TTC39C: variants seen among roughly 807,000 people sequenced by gnomAD.
The protein encoded by TTC39C is tetratricopeptide repeat domain 39C, also known as tetratricopeptide repeat protein 39C.
TTC39C carries 33 observed loss-of-function variants against 76.3 expected under a neutral mutation model. That is an observed-to-expected ratio of 0.43 (90% CI 0.33 to 0.58). The LOEUF (loss-of-function observed/expected upper bound fraction) is 0.58, where lower values mean the gene tolerates loss of function less well. TTC39C is among the 20% of genes least tolerant of loss of function. The pLI is 0.04. For synonymous variants in TTC39C, 254 were observed against 260.6 expected (o/e 0.97, Z 0.24); for missense variants, 595 against 701.4 (o/e 0.85, Z 1.71).
At chr18:24,093,756 C>G (rs1471709402) in intron 6 of TTC39C, among the ~76,000 whole-genome samples, 1 of 152,162 alleles carries the variant, frequency 6.6e-6, no homozygotes, top group Non-Finnish European at 1.5e-5. Flanking sequence ...AGCATTATGT[C>G]TAAAAATACA....
chr18:24,027,564 T>C (rs575186749), intron 1 of TTC39C, among the ~76,000 whole-genome samples: 123 of 151,454 alleles, frequency 8.1e-4, no homozygotes, highest in African/African-American at 2.7e-3. Flanking sequence ...GGTGACTTTT[T>C]TTTTTTTTTT....
At chr18:23,999,026 T>C (rs1599220014) in intron 1 of TTC39C, among the ~76,000 whole-genome samples, 1 of 152,356 alleles carries the variant, frequency 6.6e-6, no homozygotes, top group East Asian at 1.9e-4. Context: ...GCCTCAGGTC[T>C]CTGTGTGGCT....
At chr18:24,081,050 G>T in intron 5 of TTC39C, 111 bp downstream of exon 5, 1 of 990,642 alleles carries the variant, frequency 1.0e-6, no homozygotes, top group Non-Finnish European at 1.5e-6. Flanking sequence ...TTGGTTGACA[G>T]GGTGCTGTGT....
chr18:24,003,133 C>G (rs1054193572), intron 1 of TTC39C, among the ~76,000 whole-genome samples: 2 of 152,188 alleles, frequency 1.3e-5, no homozygotes, highest in Non-Finnish European at 2.9e-5. Flanking sequence ...TCCTGCCTCA[C>G]TCTCTATACT....
chr18:24,131,772 T>C lies in TTC39C; in HGVS notation c.1624-110T>C, dbSNP rs1341160314. 3.5e-6 allele frequency: 3 copies of C among 849,774 alleles called. No individual in the cohort carries two copies. The East Asian group carries it at 7.8e-5, about 22-fold the overall frequency. The allele number at this position is 849,774 out of a possible 1,614,324, so 52.6% of individuals were successfully genotyped here. A position where few individuals can be genotyped will look rare whatever the true frequency, so the allele number is the denominator to read the frequency against. ...TATACTTGAATGAACAGTTGACTCATTGCTATGTCTACAGTGAATTGTTTT... is the reference window on the plus strand; with the variant it reads ...TATACTTGAATGAACAGTTGACTCACTGCTATGTCTACAGTGAATTGTTTT... On this transcript the variant is annotated intron_variant, in intron 12 of 13. Coordinates refer to ENST00000317571, the MANE Select transcript of TTC39C (RefSeq NM_001135993.2).
At chr18:24,113,482 G>C (rs986931731) in intron 6 of TTC39C, 2 of 667,564 alleles carry the variant, frequency 3.0e-6, no homozygotes, top group African/African-American at 3.6e-5. Flanking sequence ...GAGCATTGGA[G>C]GGGGAGGAAG....
chr18:24,016,452 A>G (rs1483333295), intron 1 of TTC39C, among the ~76,000 whole-genome samples: 1 of 152,176 alleles, frequency 6.6e-6, no homozygotes, highest in Non-Finnish European at 1.5e-5. Context: ...GTCGTATGAG[A>G]GAAGGATGGA....
chr18:24,046,556 C>T (rs193142491), intron 1 of TTC39C, among the ~76,000 whole-genome samples: 11 of 151,898 alleles, frequency 7.2e-5, no homozygotes, highest in African/African-American at 2.7e-4. Flanking sequence ...TAAGCATTAC[C>T]TTAGTTATGA....
At chr18:24,111,918 TATATA>T (rs1568441635) in intron 6 of TTC39C, among the ~76,000 whole-genome samples, 1 of 123,604 alleles carries the variant, frequency 8.1e-6, no homozygotes. Flanking sequence ...TATATATATA[TATATA>T]TTTTTTTTGG....
intron 4 of TTC39C, among the ~76,000 whole-genome samples, chr18:24,072,939 A>G (rs1353061021): frequency 6.6e-6 from 1 of 152,242 alleles, no homozygotes; most frequent in Non-Finnish European, 1.5e-5. Flanking sequence ...AGACAGTTGC[A>G]GTTGAATGAT....
chr18:24,114,456 T>A (rs2084865637), intron 6 of TTC39C, 98 bp from the exon 7 acceptor site: 3 of 950,660 alleles, frequency 3.2e-6, no homozygotes, highest in Non-Finnish European at 3.3e-6. Context: ...TTAACCTGTT[T>A]AAAATAACTA....
At position 24,091,673 on chromosome 18, in the gene TTC39C, G is replaced by C. The variant is rs544956301; in HGVS notation, c.984+8592G>C. On this transcript the variant is annotated intron_variant, in intron 6 of 13. Coordinates refer to ENST00000317571, the MANE Select transcript of TTC39C (RefSeq NM_001135993.2). ...CGCTATAAACAATACAATCAAGAAA[G>C]TGAAAAGACAACCCATAGAATGGGA... Among the ~76,000 whole-genome samples the C allele has an allele frequency of 7.9e-5, 12 of 152,186 alleles. No individual in the cohort carries two copies. In the South Asian group the frequency reaches 2.5e-3, roughly 32 times the overall value.
chr18:24,086,200 T>C (rs2084437523), intron 6 of TTC39C, among the ~76,000 whole-genome samples: 1 of 152,136 alleles, frequency 6.6e-6, no homozygotes, highest in African/African-American at 2.4e-5. Context: ...TCACAGAACA[T>C]GGTCTAGGGG....
chr18:24,006,580 G>A (rs1482237268), intron 1 of TTC39C: 1 of 150,854 alleles, frequency 6.6e-6, no homozygotes, highest in African/African-American at 2.4e-5. Flanking sequence ...CTATCGGGGC[G>A]GGGGCGGGTG....
In TTC39C at chr18:24,042,822, C is replaced by T. The variant is rs551273662; in HGVS notation, c.168-21318C>T. Among the ~76,000 whole-genome samples, 7 of 152,204 alleles carry T rather than the reference C, an allele frequency of 4.6e-5. No homozygotes were observed. The South Asian group carries it at 6.2e-4, about 14-fold the overall frequency. The stretch of plus-strand genomic sequence containing the variant: ...CTGTATATTTACGCAGTGTAAATAA[C>T]GGGTGTGCCTAATGACATTTAGGGT... On this transcript the variant is annotated intron_variant, in intron 1 of 13. Coordinates refer to ENST00000317571, the MANE Select transcript of TTC39C (RefSeq NM_001135993.2).
At chr18:23,999,325 C>A (rs2083293668) in intron 1 of TTC39C, among the ~76,000 whole-genome samples, 1 of 152,128 alleles carries the variant, frequency 6.6e-6, no homozygotes, top group Non-Finnish European at 1.5e-5. Flanking sequence ...GTGATATGAA[C>A]CAAACTGGCC....
chr18:24,131,969 C>T (rs1014458045), intron 13 of TTC39C, 49 bp downstream of exon 13: 2 of 1,525,798 alleles, frequency 1.3e-6, no homozygotes, highest in South Asian at 2.4e-5. Context: ...TTATCCCATA[C>T]ACTGTATACC....
At chr18:24,010,875 C>A (rs1429948402), upstream of TTC39C, among the ~76,000 whole-genome samples, 1 of 152,146 alleles carries the variant, frequency 6.6e-6, no homozygotes, top group African/African-American at 2.4e-5. Flanking sequence ...CAGCGAAACC[C>A]TATCTCTACA....
Position 24,029,094 on chromosome 18 carries a change from T to G in TTC39C, c.167+14056T>G, listed in dbSNP as rs149202239. 2.8e-3 allele frequency among the ~76,000 whole-genome samples: 202 copies of G among 72,302 alleles called. 3 individuals carry two copies. The highest frequency in any genetic ancestry group is 0.014 in the Middle Eastern group (3 of 210). The allele number at this position is 72,302 out of a possible 152,430, so 47.4% of individuals were successfully genotyped here. ...CTTGTATAAATAGATGTGTGTGGTG[T>G]TGTTGTTGTTGTTGTTGTTTTTGTG... On this transcript the variant is annotated intron_variant, in intron 1 of 13. Coordinates refer to ENST00000317571, the MANE Select transcript of TTC39C (RefSeq NM_001135993.2).
Sources: gnomAD v4.1 joint callset for allele counts (sites outside exome capture counted in the v4.1 genomes callset) on GRCh38, gnomAD v4.1.1 for gene constraint, MANE v1.5 for transcripts, NCBI Gene and HGNC (gene_info 2026-07-23, HGNC 2026-07-21) for gene names.